CUX1: variants seen among roughly 807,000 people sequenced by gnomAD.
The protein encoded by CUX1 is protein CASP.
Under a neutral mutation model 158.8 loss-of-function variants are expected in CUX1, and 31 were observed. The observed-to-expected ratio is 0.20, with a 90% confidence interval of 0.15 to 0.26. The LOEUF is 0.26. Among genes scored for constraint, CUX1 ranks in the 10% least tolerant of loss-of-function variants. The probability of loss-of-function intolerance (pLI) is 1.00; values close to 1 mark genes in which losing one functional copy is unlikely to be tolerated. For missense variants in CUX1, 1,589 were observed against 2,014.6 expected (o/e 0.79, Z 4.04); for synonymous variants, 879 against 862.1 (o/e 1.02, Z -0.34).
intron 20 of CUX1, among the ~76,000 whole-genome samples, chr7:102,214,266 G>A (rs1796830462): frequency 6.6e-6 from 1 of 152,182 alleles, no homozygotes; most frequent in African/African-American, 2.4e-5. Flanking sequence ...GCTGACGCCT[G>A]TAATCCCAAC....
At chr7:102,260,173 C>G (rs1790285010), downstream of CUX1, among the ~76,000 whole-genome samples, 1 of 151,528 alleles carries the variant, frequency 6.6e-6, no homozygotes, top group African/African-American at 2.4e-5. Context: ...CTCAGTCTGT[C>G]ACCACCTCCT....
intron 8 of CUX1, among the ~76,000 whole-genome samples, chr7:102,120,434 C>T (rs546816599): frequency 2.0e-5 from 3 of 152,290 alleles, no homozygotes; most frequent in South Asian, 2.1e-4. Flanking sequence ...GGAGAATTTG[C>T]ACCTCCCAAA....
chr7:102,116,007 AACAC>A (rs1554491696), intron 8 of CUX1, among the ~76,000 whole-genome samples: 5 of 152,144 alleles, frequency 3.3e-5, no homozygotes, highest in Non-Finnish European at 5.9e-5. Context: ...CTTCCGCGGA[AACAC>A]ACACGCGTGC....
chr7:101,894,671 G>A (rs965204486), intron 1 of CUX1, among the ~76,000 whole-genome samples: 1 of 152,208 alleles, frequency 6.6e-6, no homozygotes, highest in Non-Finnish European at 1.5e-5. Flanking sequence ...GTACAAAGCA[G>A]TTTTTAGGCT....
At chr7:102,103,184 C>T (rs1829966027) in intron 5 of CUX1, among the ~76,000 whole-genome samples, 1 of 152,180 alleles carries the variant, frequency 6.6e-6, no homozygotes, top group African/African-American at 2.4e-5. Context: ...ACATGCCAGT[C>T]ACCGGAGCAT....
intron 2 of CUX1, among the ~76,000 whole-genome samples, chr7:101,991,632 A>T (rs972396420): frequency 1.3e-5 from 2 of 151,898 alleles, no homozygotes; most frequent in Non-Finnish European, 2.9e-5. Context: ...GGTGGTGTGC[A>T]CCTGTAATCC....
chr7:101,833,396 A>G (rs1794271980), intron 1 of CUX1, among the ~76,000 whole-genome samples: 1 of 151,466 alleles, frequency 6.6e-6, no homozygotes, highest in South Asian at 2.1e-4. Flanking sequence ...AAAAAAAAAA[A>G]AGAAAGAAAT....
intron 4 of CUX1, among the ~76,000 whole-genome samples, chr7:102,096,730 A>C (rs1563235683): frequency 6.6e-6 from 1 of 152,138 alleles, no homozygotes; most frequent in Non-Finnish European, 1.5e-5. Flanking sequence ...ACAAAAAAGC[A>C]TGATCACTTG....
Position 102,250,113 on chromosome 7 carries a change from T to C in CUX1, c.*1071T>C. ...TCTAGGTATTTTATAATCTGCTTTT[T>C]AACCTCTAACCGCAGAGCACGCTGA... is the stretch of plus-strand genomic sequence containing the variant. On this transcript the variant is annotated 3_prime_UTR_variant, in exon 24 of 24. Transcript: ENST00000292535. The C allele has an allele frequency of 2.0e-6, 2 of 985,418 alleles. No homozygotes were observed. The highest frequency in any genetic ancestry group is 2.4e-6 in the Non-Finnish European group (2 of 829,904). 61.0% of individuals were successfully genotyped at this position (985,418 alleles called of 1,614,324 possible).
chr7:102,263,284 G>A (rs1457204115), intron 14 of CUX1, among the ~76,000 whole-genome samples: 1 of 146,674 alleles, frequency 6.8e-6, no homozygotes, highest in Non-Finnish European at 1.5e-5. Flanking sequence ...CAAAGTACTG[G>A]GATTACAGGT....
intron 8 of CUX1, among the ~76,000 whole-genome samples, chr7:102,131,392 G>A (rs781908845): frequency 2.0e-4 from 31 of 151,674 alleles, no homozygotes; most frequent in Non-Finnish European, 2.8e-4. Context: ...AGTGGCTCAC[G>A]CCTCTAATCC....
chr7:101,967,592 C>T (rs1004760957), intron 2 of CUX1, among the ~76,000 whole-genome samples: 2 of 152,122 alleles, frequency 1.3e-5, no homozygotes, highest in African/African-American at 2.4e-5. Flanking sequence ...GGCATGTATG[C>T]GTCAATGGTG....
At chr7:102,155,188 G>A (rs1370611594) in intron 8 of CUX1, among the ~76,000 whole-genome samples, 2 of 152,122 alleles carry the variant, frequency 1.3e-5, no homozygotes, top group African/African-American at 4.8e-5. Context: ...GTTTTGACCT[G>A]TGTATGTGGA....
intron 3 of CUX1, among the ~76,000 whole-genome samples, chr7:102,052,775 A>G (rs1374223029): frequency 6.6e-6 from 1 of 152,206 alleles, no homozygotes; most frequent in Non-Finnish European, 1.5e-5. Context: ...GGAGGGTTCC[A>G]GTTCAGTTTC....
chr7:101,973,147 G>A (rs1455495655), intron 2 of CUX1, among the ~76,000 whole-genome samples: 5 of 152,136 alleles, frequency 3.3e-5, no homozygotes, highest in African/African-American at 4.8e-5. Flanking sequence ...CCATCAGAGC[G>A]TGATTGGGGT....
intron 1 of CUX1, among the ~76,000 whole-genome samples, chr7:101,898,302 C>T (rs545390173): frequency 2.2e-4 from 34 of 152,270 alleles, no homozygotes; most frequent in African/African-American, 7.5e-4. Context: ...TTCCATGTTA[C>T]GGCTGCCACT....
intron 11 of CUX1, among the ~76,000 whole-genome samples, chr7:102,189,395 TAAA>T (rs781927755): frequency 0.26 from 28,395 of 107,420 alleles, 4,249 homozygotes; most frequent in Non-Finnish European, 0.31. Context: ...TTTTTTTTTT[TAAA>T]AAAAAAAGAG....
intron 1 of CUX1, among the ~76,000 whole-genome samples, chr7:101,865,655 A>G (rs946948461): frequency 6.6e-6 from 1 of 152,252 alleles, no homozygotes; most frequent in African/African-American, 2.4e-5. Flanking sequence ...TGGTAGGCTC[A>G]GGATGTTTGT....
rs1405325998 is a variant in CUX1, at chr7:102,256,784, G to A, written c.*7742G>A. 48 of 985,432 alleles carry A rather than the reference G, an allele frequency of 4.9e-5. No individual in the cohort carries two copies. Among genetic ancestry groups the A allele is most frequent in the Middle Eastern group, 5.2e-4 (1 of 1,914 alleles). 61.0% of individuals were successfully genotyped at this position (985,432 alleles called of 1,614,324 possible). A position where few individuals can be genotyped will look rare whatever the true frequency, so the allele number is the denominator to read the frequency against. On this transcript the variant is annotated 3_prime_UTR_variant, in exon 24 of 24. Transcript: ENST00000292535. ...GGCGAGCCGTGGTCAGAGAGGGCGC[G>A]GTGGCCTGGCCAAGACTTTACCTCC...
Sources: allele counts gnomAD v4.1 joint callset (sites outside exome capture counted in the v4.1 genomes callset), GRCh38; gene constraint gnomAD v4.1.1; transcripts MANE v1.5; gene names NCBI Gene and HGNC (gene_info 2026-07-23, HGNC 2026-07-21).